The following PTPN13 variants were observed in gnomAD, a reference collection of about 807,000 sequenced individuals.
PTPN13 encodes the protein tyrosine-protein phosphatase non-receptor type 13.
PTPN13 carries 191 observed loss-of-function variants against 284.0 expected under a neutral mutation model. The observed-to-expected ratio is 0.67, with a 90% CI of 0.60 to 0.76. The LOEUF (loss-of-function observed/expected upper bound fraction) is 0.76, where lower values mean the gene tolerates loss of function less well. Among genes scored for constraint, PTPN13 ranks in the 30% least tolerant of loss-of-function variants. PTPN13 has a pLI of 0.00. For missense variants in PTPN13, 2,797 were observed against 2,939.9 expected (o/e 0.95, Z 1.12); for synonymous variants, 986 against 1,022.3 (o/e 0.96, Z 0.68).
At chr4:86,789,906 C>T (rs1198656935) in intron 40 of PTPN13, among the ~76,000 whole-genome samples, 1 of 150,436 alleles carries the variant, frequency 6.6e-6, no homozygotes, top group Non-Finnish European at 1.5e-5. Context: ...AAAGCTTCCA[C>T]ACACAGTGTG....
intron 23 of PTPN13, among the ~76,000 whole-genome samples, chr4:86,760,204 A>C (rs572871109): frequency 7.9e-5 from 12 of 152,330 alleles, no homozygotes; most frequent in African/African-American, 2.9e-4. Context: ...AATCGATAGA[A>C]GGGAAATAGA....
chr4:86,723,277 A>G (rs1187185981), intron 10 of PTPN13, among the ~76,000 whole-genome samples: 2 of 152,206 alleles, frequency 1.3e-5, no homozygotes, highest in African/African-American at 2.4e-5. Flanking sequence ...GCATTGGTCC[A>G]TGGCCTGGTC....
At chr4:86,638,411 C>T (rs1313661603) in intron 2 of PTPN13, among the ~76,000 whole-genome samples, 1 of 152,160 alleles carries the variant, frequency 6.6e-6, no homozygotes, top group Admixed American at 6.5e-5. Context: ...AGGCATCACG[C>T]TACCTGACTT....
chr4:86,733,613 A>G (rs910553444), intron 12 of PTPN13, among the ~76,000 whole-genome samples: 1 of 152,104 alleles, frequency 6.6e-6, no homozygotes, highest in Non-Finnish European at 1.5e-5. Context: ...GTCAATTAGT[A>G]CCTACTGATG....
intron 17 of PTPN13, among the ~76,000 whole-genome samples, chr4:86,746,931 A>G (rs896642824): frequency 1.3e-5 from 2 of 152,228 alleles, no homozygotes; most frequent in African/African-American, 2.4e-5. Flanking sequence ...TACAATAACC[A>G]CTGCTATAAT....
chr4:86,730,218 C>G (rs927012286), intron 10 of PTPN13, among the ~76,000 whole-genome samples: 5 of 149,566 alleles, frequency 3.3e-5, no homozygotes, highest in Non-Finnish European at 6.0e-5. Flanking sequence ...CAGAGGGGCA[C>G]CCAACCGTAT....
chr4:86,747,549 G>GGCAGCAGCA (rs78831573), intron 17 of PTPN13, among the ~76,000 whole-genome samples: 53 of 143,822 alleles, frequency 3.7e-4, no homozygotes, highest in East Asian at 2.0e-3. Context: ...CAGCAGCAGC[G>GGCAGCAGCA]GCAGCAGCAG....
chr4:86,714,451 T>C (rs750176301), intron 7 of PTPN13, among the ~76,000 whole-genome samples: 1 of 152,150 alleles, frequency 6.6e-6, no homozygotes, highest in Non-Finnish European at 1.5e-5. Flanking sequence ...TAATCAGTTT[T>C]TCCCACTACC....
In PTPN13 at chr4:86,805,276, C is replaced by T; in HGVS notation, c.6655-3C>T. ...CAAATTTATTTCCATGTTTTGCTTA[C>T]AGAATCTTCAAGAATTAAAACCTTT... On this transcript the variant is annotated splice_polypyrimidine_tract_variant and splice_region_variant and intron_variant, in intron 43 of 47. Coordinates refer to ENST00000411767, the MANE Select transcript of PTPN13 (RefSeq NM_080683.3). 1 of 1,563,044 alleles carries T rather than the reference C, an allele frequency of 6.4e-7. No individual in the cohort carries two copies. Among genetic ancestry groups the T allele is most frequent in the East Asian group, 2.3e-5 (1 of 44,386 alleles).
chr4:86,734,337 A>G lies in PTPN13; in HGVS notation c.1893A>G (p.Lys631=), dbSNP rs1364242356. ...NEYFFVDPDL[K]LTKVAPEGWK... is the part of the protein sequence containing the mutation. The stretch of plus-strand genomic sequence containing the variant: ...ATTTCTTTGTTGATCCTGACTTAAA[A>G]TTAACCAAAGTGGCCCCAGAGGGAT... Residue 631 remains lysine (K), a synonymous_variant, in exon 13 of 48, where the codon AAA becomes AAG. Coordinates refer to ENST00000411767, the MANE Select transcript of PTPN13 (RefSeq NM_080683.3). 6.5e-7 allele frequency: 1 copy of G among 1,543,882 alleles called. No individual in the cohort carries two copies. Among genetic ancestry groups the G allele is most frequent in the Non-Finnish European group, 8.8e-7 (1 of 1,141,178 alleles).
At chr4:86,667,730 C>G (rs1166354876) in intron 2 of PTPN13, among the ~76,000 whole-genome samples, 2 of 152,118 alleles carry the variant, frequency 1.3e-5, no homozygotes, top group African/African-American at 2.4e-5. Context: ...GCCAGACACC[C>G]TAATAGAACG....
intron 1 of PTPN13, among the ~76,000 whole-genome samples, chr4:86,621,364 A>G (rs2148664047): frequency 6.6e-6 from 1 of 152,366 alleles, no homozygotes; most frequent in South Asian, 2.1e-4. Flanking sequence ...CCCTAGAATT[A>G]TGGCAAAATG....
chr4:86,788,388 C>T (rs1243416401), intron 40 of PTPN13, among the ~76,000 whole-genome samples: 1 of 152,058 alleles, frequency 6.6e-6, no homozygotes, highest in Non-Finnish European at 1.5e-5. Flanking sequence ...CTTGAAATCA[C>T]CCTAAACAAA....
At chr4:86,734,688 A>G (rs748646591) in intron 13 of PTPN13, 49 bp from the exon 14 acceptor site, 2 of 1,571,540 alleles carry the variant, frequency 1.3e-6, no homozygotes, top group Admixed American at 1.8e-5. Context: ...AAACCACCCC[A>G]GTATTCAAAA....
chr4:86,625,933 G>A (rs1304472010), intron 1 of PTPN13, among the ~76,000 whole-genome samples: 1 of 152,130 alleles, frequency 6.6e-6, no homozygotes, highest in Non-Finnish European at 1.5e-5. Flanking sequence ...GACATTTTAA[G>A]TCTATGTAAT....
intron 15 of PTPN13, among the ~76,000 whole-genome samples, chr4:86,736,113 G>A (rs1735468374): frequency 6.6e-6 from 1 of 152,082 alleles, no homozygotes; most frequent in South Asian, 2.1e-4. Context: ...TTCTAGAATT[G>A]TTTGTTTTGC....
At position 86,762,815 on chromosome 4, in the gene PTPN13, T is replaced by A; in HGVS notation, c.3642T>A (p.Ser1214=). Reference sequence around the variant, plus strand: ...TGCAAGACAGTGCTATAGATTCTTCTTCCAAGGATCACCACTGGTCACGTG... The same window carrying A: ...TGCAAGACAGTGCTATAGATTCTTCATCCAAGGATCACCACTGGTCACGTG... ...SYMQDSAIDS[S]SKDHHWSRGT... The change falls in exon 24 of 48, where the codon TCT becomes TCA. Residue 1214 remains serine (S), a synonymous_variant. Coordinates refer to ENST00000411767, the MANE Select transcript of PTPN13 (RefSeq NM_080683.3). 1 of 1,613,844 alleles carries A rather than the reference T, an allele frequency of 6.2e-7. No homozygotes were observed. The highest frequency in any genetic ancestry group is 8.5e-7 in the Non-Finnish European group (1 of 1,179,790).
intron 25 of PTPN13, among the ~76,000 whole-genome samples, chr4:86,764,926 A>G (rs1369028914): frequency 2.0e-5 from 3 of 152,214 alleles, no homozygotes; most frequent in Non-Finnish European, 4.4e-5. Context: ...AATTAGACAA[A>G]CACTACCTTT....
intron 42 of PTPN13, among the ~76,000 whole-genome samples, chr4:86,801,327 T>A (rs1221514576): frequency 6.6e-6 from 1 of 152,246 alleles, no homozygotes. Flanking sequence ...TTAAGGAATT[T>A]CTGAAGTGTC....
Sources: gnomAD v4.1 joint callset for allele counts (sites outside exome capture counted in the v4.1 genomes callset) on GRCh38, gnomAD v4.1.1 for gene constraint, MANE v1.5 for transcripts, NCBI Gene and HGNC (gene_info 2026-07-23, HGNC 2026-07-21) for gene names.